The following ZNF423 variants were observed in gnomAD, a reference collection of about 807,000 sequenced individuals.
The protein encoded by ZNF423 is Ebf-associated zinc finger protein.
ZNF423 carries 12 observed loss-of-function variants against 95.8 expected under a neutral mutation model. That is an observed-to-expected ratio of 0.13 (90% CI 0.08 to 0.20). The LOEUF (loss-of-function observed/expected upper bound fraction) is 0.20. Ranked by LOEUF, ZNF423 falls within the 10% of genes least tolerant of loss-of-function variation. The pLI, the probability that ZNF423 is intolerant of heterozygous loss-of-function variation, is 1.00. For synonymous variants in ZNF423, 749 were observed against 711.9 expected (o/e 1.05, Z -0.83); for missense variants, 1,316 against 1,737.1 (o/e 0.76, Z 4.31).
intron 2 of ZNF423, among the ~76,000 whole-genome samples, chr16:49,734,448 A>G (rs1419994934): frequency 6.6e-6 from 1 of 152,244 alleles, no homozygotes; most frequent in African/African-American, 2.4e-5. Flanking sequence ...ATCACCCCAG[A>G]GCCCAGTGAA....
intron 5 of ZNF423, among the ~76,000 whole-genome samples, chr16:49,541,891 GC>G (rs1969261256): frequency 6.6e-6 from 1 of 152,194 alleles, no homozygotes; most frequent in African/African-American, 2.4e-5. Flanking sequence ...GGCCTCCCCA[GC>G]CCTGCGGAAC....
chr16:49,674,674 A>T (rs1490452093), intron 3 of ZNF423, among the ~76,000 whole-genome samples: 6 of 152,178 alleles, frequency 3.9e-5, no homozygotes, highest in Non-Finnish European at 1.5e-5. Flanking sequence ...CCAAAGCCCG[A>T]GAGGCAGCCA....
intron 3 of ZNF423, among the ~76,000 whole-genome samples, chr16:49,640,039 C>T (rs1013538569): frequency 2.6e-5 from 4 of 152,168 alleles, no homozygotes; most frequent in Non-Finnish European, 1.5e-5. Flanking sequence ...CTGCTGCGGG[C>T]AGGGGAGAGA....
At chr16:49,794,134 A>G (rs951046440) in intron 1 of ZNF423, among the ~76,000 whole-genome samples, 1 of 151,770 alleles carries the variant, frequency 6.6e-6, no homozygotes, top group African/African-American at 2.4e-5. Context: ...CCTCCTGGCT[A>G]AGGTGATTCT....
intron 5 of ZNF423, among the ~76,000 whole-genome samples, chr16:49,578,869 A>G (rs9938824): frequency 0.55 from 83,979 of 152,082 alleles, 23,519 homozygotes; most frequent in East Asian, 0.77. Context: ...AATGCAGTGT[A>G]CTCCTGGCTT....
intron 3 of ZNF423, among the ~76,000 whole-genome samples, chr16:49,726,022 T>C (rs1363819496): frequency 6.6e-6 from 1 of 152,194 alleles, no homozygotes; most frequent in Non-Finnish European, 1.5e-5. Context: ...AAAAGCCATA[T>C]ATCAGGCCAG....
At chr16:49,680,322 C>T (rs2031296009) in intron 3 of ZNF423, among the ~76,000 whole-genome samples, 2 of 152,260 alleles carry the variant, frequency 1.3e-5, no homozygotes, top group African/African-American at 4.8e-5. Flanking sequence ...CATTGAAGCT[C>T]CTCTCTGCCT....
At chr16:49,516,522 C>G (rs1036217603) in intron 7 of ZNF423, among the ~76,000 whole-genome samples, 1 of 152,216 alleles carries the variant, frequency 6.6e-6, no homozygotes, top group African/African-American at 2.4e-5. Context: ...CTGAGGCTTA[C>G]GGCTGGTGCA....
chr16:49,848,744 T>A (rs909754892), intron 1 of ZNF423, among the ~76,000 whole-genome samples: 9 of 152,142 alleles, frequency 5.9e-5, no homozygotes, highest in Non-Finnish European at 1.0e-4. Flanking sequence ...CAGGCTCTTG[T>A]CTGGTGGTTC....
At chr16:49,724,051 C>T (rs752447727) in intron 3 of ZNF423, among the ~76,000 whole-genome samples, 4 of 152,200 alleles carry the variant, frequency 2.6e-5, no homozygotes, top group Non-Finnish European at 5.9e-5. Flanking sequence ...ACAAATCTTA[C>T]CATTGCTTTC....
chr16:49,663,961 T>C (rs1339415589), intron 3 of ZNF423: 4 of 599,210 alleles, frequency 6.7e-6, no homozygotes, highest in Non-Finnish European at 8.4e-6. Context: ...TGAGCAAACA[T>C]TCCACTCCCC....
intron 1 of ZNF423, among the ~76,000 whole-genome samples, chr16:49,841,091 G>A (rs1253400167): frequency 6.6e-6 from 1 of 152,214 alleles, no homozygotes; most frequent in East Asian, 1.9e-4. Flanking sequence ...CCTCTCTCCT[G>A]GGAGTAGAGC....
intron 7 of ZNF423, among the ~76,000 whole-genome samples, chr16:49,500,814 G>A (rs1454863648): frequency 1.3e-5 from 2 of 151,948 alleles, no homozygotes; most frequent in Non-Finnish European, 1.5e-5. Flanking sequence ...TGGCTGAGGC[G>A]GGAGGATCAC....
chr16:49,508,714 T>C (rs1967759210), intron 7 of ZNF423, among the ~76,000 whole-genome samples: 1 of 152,068 alleles, frequency 6.6e-6, no homozygotes, highest in Admixed American at 6.6e-5. Context: ...TGGATGCTCC[T>C]GAAGTCAGGG....
At chr16:49,787,702 C>G (rs1025586297) in intron 2 of ZNF423, among the ~76,000 whole-genome samples, 3 of 152,166 alleles carry the variant, frequency 2.0e-5, no homozygotes, top group African/African-American at 4.8e-5. Flanking sequence ...CTTGACACCC[C>G]CCCTGCCCAG....
At chr16:49,838,226 C>T (rs2035141807) in intron 1 of ZNF423, among the ~76,000 whole-genome samples, 1 of 151,836 alleles carries the variant, frequency 6.6e-6, no homozygotes, top group Non-Finnish European at 1.5e-5. Flanking sequence ...ACCACGCAGG[C>T]CTGGGCACCT....
intron 5 of ZNF423, among the ~76,000 whole-genome samples, chr16:49,555,294 G>C (rs1969781263): frequency 6.6e-6 from 1 of 152,188 alleles, no homozygotes; most frequent in Non-Finnish European, 1.5e-5. Flanking sequence ...TCTATACCTG[G>C]AGCACCAGTA....
At chr16:49,673,692 C>T (rs890752934) in intron 3 of ZNF423, among the ~76,000 whole-genome samples, 11 of 152,264 alleles carry the variant, frequency 7.2e-5, no homozygotes, top group Admixed American at 2.0e-4. Flanking sequence ...CATGTGCACA[C>T]ACTTGCACAT....
At chr16:49,765,243 A>G (rs912797034) in intron 2 of ZNF423, among the ~76,000 whole-genome samples, 8 of 152,250 alleles carry the variant, frequency 5.3e-5, no homozygotes, top group East Asian at 1.9e-4. Context: ...GGAAAGGGCA[A>G]TGGGGAGTTT....
Sources: allele counts gnomAD v4.1 joint callset (sites outside exome capture counted in the v4.1 genomes callset), GRCh38; gene constraint gnomAD v4.1.1; transcripts MANE v1.5; gene names NCBI Gene and HGNC (gene_info 2026-07-23, HGNC 2026-07-21).